Variants in PRKCZ observed in about 807,000 individuals in gnomAD.
PRKCZ encodes protein kinase C zeta type.
PRKCZ carries 33 observed loss-of-function variants against 79.5 expected under a neutral mutation model. The observed-to-expected ratio is 0.41, with a 90% CI of 0.31 to 0.55. The LOEUF is 0.55. Among genes scored for constraint, PRKCZ ranks in the 20% least tolerant of loss-of-function variants. The pLI is 0.19. For synonymous variants in PRKCZ, 342 were observed against 320.9 expected (o/e 1.07, Z -0.70); for missense variants, 578 against 813.5 (o/e 0.71, Z 3.52).
chr1:2,109,680 C>T (rs908149562), intron 4 of PRKCZ, among the ~76,000 whole-genome samples: 31 of 152,134 alleles, frequency 2.0e-4, no homozygotes, highest in African/African-American at 5.8e-4. Flanking sequence ...CTGCAGTGTC[C>T]GGAAGGCGGT....
rs1425985900 is a variant in PRKCZ, at chr1:2,149,188, C to T, written c.687+264C>T. ...CTGCGGGGGAAGCCGTGCCCCACAT[C>T]CTCTCCATTCAGGTGGTACAGTGGC... On this transcript the variant is annotated intron_variant, in intron 8 of 17. Coordinates refer to ENST00000378567, the MANE Select transcript of PRKCZ (RefSeq NM_002744.6). The surrounding 1 kb of genome is among the most constrained non-coding windows in gnomAD (Gnocchi z 4.1). Among the ~76,000 whole-genome samples, 3 of 152,352 alleles carry T rather than the reference C, an allele frequency of 2.0e-5. No homozygotes were observed. Among genetic ancestry groups the T allele is most frequent in the African/African-American group, 4.8e-5 (2 of 41,586 alleles).
chr1:2,112,536 C>T (rs891165707), intron 4 of PRKCZ, among the ~76,000 whole-genome samples: 3 of 152,162 alleles, frequency 2.0e-5, no homozygotes, highest in African/African-American at 7.2e-5. Flanking sequence ...GTGCAGCCGC[C>T]GCTTGGAGCG....
chr1:2,052,969 C>T (rs1040492787), intron 1 of PRKCZ, among the ~76,000 whole-genome samples: 1 of 152,184 alleles, frequency 6.6e-6, no homozygotes, highest in Admixed American at 6.5e-5. Flanking sequence ...CCCCACCCCG[C>T]CCCCTGTGGG....
chr1:2,115,848 T>A (rs1219877051), intron 4 of PRKCZ, among the ~76,000 whole-genome samples: 1 of 152,190 alleles, frequency 6.6e-6, no homozygotes, highest in African/African-American at 2.4e-5. Flanking sequence ...CCTTGGTATA[T>A]TCACCAACTC....
intron 6 of PRKCZ, 41 bp from the exon 7 acceptor site, chr1:2,145,986 T>TA: frequency 1.3e-6 from 2 of 1,533,680 alleles, no homozygotes; most frequent in Non-Finnish European, 1.8e-6. Flanking sequence ...ACACCTGCTC[T>TA]AGCACTTGGT....
rs1298286704 is a variant in PRKCZ at position 2,172,987 on chromosome 1, G to A, written c.1285+599G>A. On this transcript the variant is annotated intron_variant, in intron 13 of 17. Transcript: ENST00000378567. The surrounding 1 kb of genome is among the most constrained non-coding windows in gnomAD (Gnocchi z 7.8). ...GTGTGTGCGTGTGTGAAACGGGGAC[G>A]TGGGCACGCGTGTGCAGCCCTGTGT... Among the ~76,000 whole-genome samples, 2 of 151,706 alleles carry A rather than the reference G, an allele frequency of 1.3e-5. No homozygotes were observed. The highest frequency in any genetic ancestry group is 2.9e-5 in the Non-Finnish European group (2 of 67,946).
At chr1:2,156,605 G>A (rs1369627839) in intron 10 of PRKCZ, 4 of 162,270 alleles carry the variant, frequency 2.5e-5, no homozygotes, top group East Asian at 1.7e-4. Context: ...CCCCAGGTTC[G>A]ATGATTGGCT....
intron 9 of PRKCZ, among the ~76,000 whole-genome samples, chr1:2,153,572 T>A (rs1475176397): frequency 6.6e-6 from 1 of 152,208 alleles, no homozygotes; most frequent in East Asian, 1.9e-4. Context: ...GTCCATGCCC[T>A]GCGCCGAGGA....
In PRKCZ at chr1:2,050,644, C is replaced by A; in HGVS notation, c.14C>A (p.Thr5Asn). 8.2e-7 allele frequency: 1 copy of A among 1,226,560 alleles called. No individual in the cohort carries two copies. The highest frequency in any genetic ancestry group is 3.1e-4 in the Middle Eastern group (1 of 3,210). The allele number at this position is 1,226,560 out of a possible 1,614,324, so 76.0% of individuals were successfully genotyped here. A position where few individuals can be genotyped will look rare whatever the true frequency, so the allele number is the denominator to read the frequency against. Reference protein sequence around the residue: MPSRTGPKMEGSGGR... With the variant: MPSRNGPKMEGSGGR... ...GGGGAGCGCGCCATGCCCAGCAGGA[C>A]CGGCCCCAAGATGGAAGGGAGCGGC... Residue 5 changes from threonine to asparagine, a missense_variant, in exon 1 of 18, where the codon ACC becomes AAC. Coordinates refer to ENST00000378567, the MANE Select transcript of PRKCZ (RefSeq NM_002744.6).
rs1449563879 is a variant in PRKCZ, at chr1:2,143,944, G to A, written c.421-266G>A. 1.5e-5 allele frequency: 6 copies of A among 405,472 alleles called. No individual in the cohort carries two copies. The East Asian group carries it at 1.8e-4, about 12-fold the overall frequency. 25.1% of individuals were successfully genotyped at this position (405,472 alleles called of 1,614,324 possible). ...AAGCAGCACCTCGTCACCCCTGCCC[G>A]ATGGCACCTCCCCTGTGTCCCCTCA... On this transcript the variant is annotated intron_variant, in intron 5 of 17. Coordinates refer to ENST00000378567, the MANE Select transcript of PRKCZ (RefSeq NM_002744.6).
At chr1:2,171,912 T>C (rs1350056740) in intron 11 of PRKCZ, 143 bp from the exon 12 acceptor site, 4 of 1,057,890 alleles carry the variant, frequency 3.8e-6, no homozygotes, top group Non-Finnish European at 4.0e-6. Flanking sequence ...CCCTGTGCAC[T>C]GCACTTTCAA....
At position 2,059,608 on chromosome 1, in the gene PRKCZ, C is replaced by T; in HGVS notation, c.334+17C>T. The T allele has an allele frequency of 6.2e-7, 1 of 1,613,868 alleles. No homozygotes were observed. Among genetic ancestry groups the T allele is most frequent in the East Asian group, 2.2e-5 (1 of 44,882 alleles). ...GAGAAGACAGTGAGTACTGGGGTTT[C>T]CTACGCCGGTCTCGCATGTTACGGG... On this transcript the variant is annotated intron_variant, in intron 4 of 17. Transcript: ENST00000378567.
intron 16 of PRKCZ, among the ~76,000 whole-genome samples, chr1:2,176,753 A>C (rs1454751417): frequency 6.6e-6 from 1 of 152,198 alleles, no homozygotes; most frequent in African/African-American, 2.4e-5. Flanking sequence ...ACAGCCCAAC[A>C]AGTCACTTTC....
chr1:2,070,220 G>A (rs1233908943), intron 4 of PRKCZ, among the ~76,000 whole-genome samples: 2 of 152,034 alleles, frequency 1.3e-5, no homozygotes, highest in African/African-American at 4.8e-5. Context: ...CCCGGGCAGC[G>A]GGACCCTGCT....
At chr1:2,065,818 G>A (rs960969049) in intron 4 of PRKCZ, among the ~76,000 whole-genome samples, 19 of 152,010 alleles carry the variant, frequency 1.2e-4, no homozygotes, top group African/African-American at 4.1e-4. Context: ...TTATTATGTC[G>A]AGATAGTTTC....
At chr1:2,167,162 C>T (rs945385263) in intron 10 of PRKCZ, among the ~76,000 whole-genome samples, 3 of 152,238 alleles carry the variant, frequency 2.0e-5, no homozygotes, top group African/African-American at 7.2e-5. Context: ...AAATAAATTC[C>T]TTCCTCAGCA....
intron 15 of PRKCZ, 139 bp from the exon 16 acceptor site, chr1:2,175,085 A>T: frequency 1.3e-6 from 1 of 775,624 alleles, no homozygotes; most frequent in South Asian, 1.7e-5. Context: ...CTTTCAATAA[A>T]GGAAACATCT....
At position 2,089,338 on chromosome 1, in the gene PRKCZ, C is replaced by T. The variant is rs569817844; in HGVS notation, c.334+29747C>T. The stretch of plus-strand genomic sequence containing the variant: ...CTCAGAGCTGGGAAGACTTGAGGGT[C>T]GGGGTTGGGGACAGAGACTTCCAGG... On this transcript the variant is annotated intron_variant, in intron 4 of 17. Transcript: ENST00000378567. Among the ~76,000 whole-genome samples, 12 of 152,176 alleles carry T rather than the reference C, an allele frequency of 7.9e-5. No individual in the cohort carries two copies. The South Asian group carries it at 2.3e-3, about 29-fold the overall frequency.
At chr1:2,117,998 CTT>C (rs1553152756) in intron 4 of PRKCZ, among the ~76,000 whole-genome samples, 4 of 65,056 alleles carry the variant, frequency 6.1e-5, no homozygotes, top group Admixed American at 2.4e-4. Context: ...CCTATTATTT[CTT>C]TTTTTTTTTT....
Sources: allele counts gnomAD v4.1 joint callset (sites outside exome capture counted in the v4.1 genomes callset), GRCh38; gene constraint gnomAD v4.1.1; non-coding constraint Gnocchi (gnomAD v3.1); transcripts MANE v1.5; gene names NCBI Gene and HGNC (gene_info 2026-07-23, HGNC 2026-07-21).